The following MLLT3 variants were observed in gnomAD, a reference collection of about 807,000 sequenced individuals.
The protein encoded by MLLT3 is MLLT3 super elongation complex subunit.
In MLLT3, 4 loss-of-function variants were observed where a neutral mutation model predicts 53.2. That is an observed-to-expected ratio of 0.08 (90% CI 0.04 to 0.17). The LOEUF (loss-of-function observed/expected upper bound fraction) is 0.17. Ranked by LOEUF, MLLT3 falls within the 10% of genes least tolerant of loss-of-function variation. The probability of loss-of-function intolerance (pLI) is 1.00; values close to 1 mark genes in which losing one functional copy is unlikely to be tolerated. For missense variants in MLLT3, 569 were observed against 684.0 expected, an observed-to-expected ratio of 0.83 and a Z score of 1.87; for synonymous variants, 283 against 230.6, an observed-to-expected ratio of 1.23 and a Z score of -2.06.
rs1820744189 is a variant in MLLT3, at chr9:20,341,860, C to G, written c.*4583G>C. ...TAGGGGGGAAAGAAAAAATACCGGG[C>G]ACACATAGCCCAGTTTATGCCAAAA... On this transcript the variant is annotated 3_prime_UTR_variant, in exon 11 of 11. Transcript: ENST00000380338. 1 of 204,610 alleles carries G rather than the reference C, an allele frequency of 4.9e-6. No homozygotes were observed. Among genetic ancestry groups the G allele is most frequent in the Admixed American group, 6.0e-5 (1 of 16,764 alleles). 12.7% of individuals were successfully genotyped at this position (204,610 alleles called of 1,614,324 possible). A position where few individuals can be genotyped will look rare whatever the true frequency, so the allele number is the denominator to read the frequency against.
At chr9:20,494,134 A>G (rs985937301) in intron 2 of MLLT3, among the ~76,000 whole-genome samples, 10 of 152,130 alleles carry the variant, frequency 6.6e-5, no homozygotes, top group African/African-American at 2.4e-4. Flanking sequence ...TCTTTGTCAA[A>G]AATATATTTG....
chr9:20,620,988 G>C lies in MLLT3; in HGVS notation c.13-154C>G. The C allele has an allele frequency of 1.1e-6, 1 of 935,468 alleles. No individual in the cohort carries two copies. The highest frequency in any genetic ancestry group is 2.6e-5 in the East Asian group (1 of 38,072). The allele number at this position is 935,468 out of a possible 1,614,324, so 57.9% of individuals were successfully genotyped here. On this transcript the variant is annotated intron_variant, in intron 1 of 10. Transcript: ENST00000380338. This position sits in a 1 kb window ranked among gnomAD's most constrained non-coding sequence, Gnocchi z 6.1. ...ATCCACGTTTCACGCGCGTGGGCGC[G>C]CACACTCCACACCCCCAAATATACC... is the stretch of plus-strand genomic sequence containing the variant.
At chr9:20,447,979 AG>A in intron 4 of MLLT3, 143 bp downstream of exon 4, 1 of 792,488 alleles carries the variant, frequency 1.3e-6, no homozygotes, top group Non-Finnish European at 2.0e-6. Context: ...ATGAATCCAC[AG>A]CTAAGCCATT....
intron 2 of MLLT3, among the ~76,000 whole-genome samples, chr9:20,574,306 T>G (rs1004293361): frequency 4.6e-5 from 7 of 152,232 alleles, no homozygotes; most frequent in African/African-American, 1.7e-4. Context: ...CTAATTCCAC[T>G]GTCTGAATTT....
intron 2 of MLLT3, among the ~76,000 whole-genome samples, chr9:20,560,823 GTGAGTATTTT>G (rs1435809335): frequency 6.6e-6 from 1 of 152,054 alleles, no homozygotes; most frequent in African/African-American, 2.4e-5. Context: ...TGGGGTACAT[GTGAGTATTTT>G]TTACACATAC....
chr9:20,558,493 C>T (rs1052525731), intron 2 of MLLT3, among the ~76,000 whole-genome samples: 1 of 152,136 alleles, frequency 6.6e-6, no homozygotes, highest in African/African-American at 2.4e-5. Context: ...TTGCAATAAA[C>T]CTAAACCTCA....
chr9:20,594,706 A>C (rs1422327440), intron 2 of MLLT3, among the ~76,000 whole-genome samples: 1 of 152,200 alleles, frequency 6.6e-6, no homozygotes, highest in Non-Finnish European at 1.5e-5. Flanking sequence ...CACCAAAACC[A>C]AGAAGGCGAT....
intron 5 of MLLT3, among the ~76,000 whole-genome samples, chr9:20,374,691 T>C (rs1258375302): frequency 3.3e-5 from 5 of 152,184 alleles, no homozygotes. Flanking sequence ...CTTTGTTATA[T>C]AAAAAGATAT....
At chr9:20,545,488 A>C (rs1358149683) in intron 2 of MLLT3, among the ~76,000 whole-genome samples, 1 of 152,220 alleles carries the variant, frequency 6.6e-6, no homozygotes, top group East Asian at 1.9e-4. Flanking sequence ...GAACTGTTTC[A>C]TAGCAACATG....
intron 2 of MLLT3, among the ~76,000 whole-genome samples, chr9:20,489,516 G>A (rs1259579009): frequency 6.6e-6 from 1 of 152,234 alleles, no homozygotes; most frequent in East Asian, 1.9e-4. Flanking sequence ...ATTGTCTTTG[G>A]CCAGTAGGTT....
chr9:20,467,343 G>C (rs1269120494), intron 2 of MLLT3, among the ~76,000 whole-genome samples: 1 of 152,164 alleles, frequency 6.6e-6, no homozygotes, highest in Non-Finnish European at 1.5e-5. Context: ...ACTTTGGGAG[G>C]CTGAGGTAGG....
intron 9 of MLLT3, among the ~76,000 whole-genome samples, chr9:20,353,876 C>A (rs1821097865): frequency 6.6e-6 from 1 of 152,202 alleles, no homozygotes; most frequent in Non-Finnish European, 1.5e-5. Flanking sequence ...ACTCACTTTC[C>A]TCCAACAATA....
chr9:20,566,876 C>T (rs78576820), intron 2 of MLLT3, among the ~76,000 whole-genome samples: 2,095 of 152,052 alleles, frequency 0.014, 53 homozygotes, highest in African/African-American at 0.048. Context: ...CACAAGGATA[C>T]GGAGGAATAG....
chr9:20,485,275 C>T (rs1050877107), intron 2 of MLLT3, among the ~76,000 whole-genome samples: 2 of 152,200 alleles, frequency 1.3e-5, no homozygotes, highest in East Asian at 3.8e-4. Flanking sequence ...AGGCATAAGC[C>T]ACCATGCCCG....
chr9:20,478,532 A>T (rs2118900823), intron 2 of MLLT3, among the ~76,000 whole-genome samples: 1 of 152,122 alleles, frequency 6.6e-6, no homozygotes, highest in East Asian at 1.9e-4. Flanking sequence ...AACTCAACCA[A>T]CTGATCGTAG....
chr9:20,402,847 T>G (rs1771349099), intron 5 of MLLT3, among the ~76,000 whole-genome samples: 1 of 152,170 alleles, frequency 6.6e-6, no homozygotes, highest in Admixed American at 6.5e-5. Flanking sequence ...GGAATTCAGC[T>G]GGGGATATGG....
At position 20,343,814 on chromosome 9, in the gene MLLT3, G is replaced by C. The variant is rs1820800076; in HGVS notation, c.*2629C>G. The C allele has an allele frequency of 4.7e-6, 1 of 211,642 alleles. No individual in the cohort carries two copies. The highest frequency in any genetic ancestry group is 7.1e-5 in the East Asian group (1 of 14,046). 13.1% of individuals were successfully genotyped at this position (211,642 alleles called of 1,614,324 possible). A position where few individuals can be genotyped will look rare whatever the true frequency, so the allele number is the denominator to read the frequency against. ...ACTGTTAGGGTACTCACATGTCAAA[G>C]ATATTCTTAATAGGCTTCAAAGTTG... is the stretch of plus-strand genomic sequence containing the variant. On this transcript the variant is annotated 3_prime_UTR_variant, in exon 11 of 11. Coordinates refer to ENST00000380338, the MANE Select transcript of MLLT3 (RefSeq NM_004529.4).
chr9:20,522,678 GTT>G (rs11351527), intron 2 of MLLT3, among the ~76,000 whole-genome samples: 1 of 151,748 alleles, frequency 6.6e-6, no homozygotes, highest in African/African-American at 2.4e-5. Flanking sequence ...AAAAACAGTT[GTT>G]TTTTTTCTAA....
At chr9:20,481,778 C>A (rs551743769) in intron 2 of MLLT3, among the ~76,000 whole-genome samples, 2 of 152,274 alleles carry the variant, frequency 1.3e-5, no homozygotes, top group East Asian at 3.9e-4. Context: ...ATATACTTGA[C>A]AGAGGTTACA....
Sources: allele counts gnomAD v4.1 joint callset (sites outside exome capture counted in the v4.1 genomes callset), GRCh38; gene constraint gnomAD v4.1.1; non-coding constraint Gnocchi (gnomAD v3.1); transcripts MANE v1.5; gene names NCBI Gene and HGNC (gene_info 2026-07-23, HGNC 2026-07-21).